Variants in CRHR1 observed in about 807,000 individuals in gnomAD.
CRHR1 encodes corticotropin-releasing hormone receptor 1.
Under a neutral mutation model 56.0 loss-of-function variants are expected in CRHR1, and 28 were observed. That is an observed-to-expected ratio of 0.50 (90% CI 0.37 to 0.69). CRHR1 has a LOEUF of 0.69. CRHR1 is among the 30% of genes least tolerant of loss of function. The pLI, the probability that CRHR1 is intolerant of heterozygous loss-of-function variation, is 0.00. For synonymous variants in CRHR1, 195 were observed against 216.5 expected (o/e 0.90, Z 0.87); for missense variants, 376 against 548.0 (o/e 0.69, Z 3.13).
intron 1 of CRHR1, among the ~76,000 whole-genome samples, chr17:45,787,394 G>C (rs1178183672): frequency 6.6e-6 from 1 of 152,202 alleles, no homozygotes; most frequent in Non-Finnish European, 1.5e-5. Context: ...GAGGGGTGCA[G>C]AAGGCAAGGC....
intron 2 of CRHR1, among the ~76,000 whole-genome samples, chr17:45,813,359 G>A (rs1005115359): frequency 1.4e-5 from 2 of 142,374 alleles, no homozygotes; most frequent in Admixed American, 7.0e-5. Flanking sequence ...CCTTTCACTC[G>A]GGGATGGGGG....
intron 1 of CRHR1, among the ~76,000 whole-genome samples, chr17:45,802,031 T>G (rs931786896): frequency 6.6e-6 from 1 of 152,118 alleles, no homozygotes; most frequent in African/African-American, 2.4e-5. Flanking sequence ...TTGTTTTGTT[T>G]TTTGTTGTTT....
intron 2 of CRHR1, among the ~76,000 whole-genome samples, chr17:45,816,260 A>T (rs559918415): frequency 6.6e-6 from 1 of 152,276 alleles, no homozygotes; most frequent in East Asian, 1.9e-4. Flanking sequence ...CTAGTACCAT[A>T]GCATCAGATT....
chr17:45,807,048 C>G lies in CRHR1; in HGVS notation c.72C>G (p.Ser24=), dbSNP rs369514071. Residue 24 remains serine, a synonymous_variant, in exon 2 of 13, where the codon TCC becomes TCG. Coordinates refer to ENST00000314537, the MANE Select transcript of CRHR1 (RefSeq NM_004382.5). ...LLLGLNPVSA[S]LQDQHCESLS... ...TGGGGCTGAACCCCGTCTCTGCCTCCCTCCAGGACCAGCACTGCGAGAGCC... is the reference window on the plus strand; with the variant it reads ...TGGGGCTGAACCCCGTCTCTGCCTCGCTCCAGGACCAGCACTGCGAGAGCC... 3.3e-5 allele frequency: 53 copies of G among 1,613,996 alleles called. No individual in the cohort carries two copies. Among genetic ancestry groups the G allele is most frequent in the Middle Eastern group, 1.6e-4 (1 of 6,082 alleles).
intron 9 of CRHR1, 100 bp downstream of exon 9, chr17:45,833,310 A>C: frequency 6.8e-7 from 1 of 1,475,330 alleles, no homozygotes; most frequent in South Asian, 1.1e-5. Context: ...GGTGGGGGCC[A>C]CCCAAAGAGG....
chr17:45,831,481 A>G (rs1422541513), intron 8 of CRHR1, among the ~76,000 whole-genome samples: 1 of 152,220 alleles, frequency 6.6e-6, no homozygotes, highest in Non-Finnish European at 1.5e-5. Context: ...TTGGTTCCTT[A>G]TGAAATGGAC....
chr17:45,801,738 GC>G (rs775807374), intron 1 of CRHR1, among the ~76,000 whole-genome samples: 16 of 152,198 alleles, frequency 1.1e-4, no homozygotes, highest in Non-Finnish European at 1.9e-4. Flanking sequence ...AGCGCCAGTG[GC>G]TGGGACTGGT....
rs141686353 is a variant in CRHR1, at chr17:45,812,645, G to A, written c.122-3818G>A. Among the ~76,000 whole-genome samples the A allele has an allele frequency of 3.8e-3, 576 of 152,192 alleles. 2 individuals are homozygous for A. Among genetic ancestry groups the A allele is most frequent in the African/African-American group, 0.013 (538 of 41,508 alleles). On this transcript the variant is annotated intron_variant, in intron 2 of 12. Transcript: ENST00000314537. Reference sequence around the variant, plus strand: ...CTGCCTTCTCCCCTTCCCAGCTAGGGGATGGACACCCTCTCTGTCCCCAGC... The same window carrying A: ...CTGCCTTCTCCCCTTCCCAGCTAGGAGATGGACACCCTCTCTGTCCCCAGC...
intron 4 of CRHR1, chr17:45,826,281 C>T (rs1241310539): frequency 2.0e-5 from 3 of 152,202 alleles, no homozygotes; most frequent in Non-Finnish European, 2.9e-5. Flanking sequence ...CTCTTAAGGC[C>T]TTGCTGTCTC....
rs776022732 is a variant in CRHR1 at position 45,784,531 on chromosome 17, G to C, written c.-14G>C. Reference sequence around the variant, plus strand: ...GACCCGGGCATTCAGGACGGTAGCCGAGCGAGCCCGAGGATGGGAGGGCAC... The same window carrying C: ...GACCCGGGCATTCAGGACGGTAGCCCAGCGAGCCCGAGGATGGGAGGGCAC... On this transcript the variant is annotated 5_prime_UTR_variant, in exon 1 of 13. Coordinates refer to ENST00000314537, the MANE Select transcript of CRHR1 (RefSeq NM_004382.5). This position sits in a 1 kb window ranked among gnomAD's most constrained non-coding sequence, Gnocchi z 4.2. 32 of 1,547,930 alleles carry C rather than the reference G, an allele frequency of 2.1e-5. No individual in the cohort carries two copies. The highest frequency in any genetic ancestry group is 2.6e-5 in the Non-Finnish European group (30 of 1,146,944).
intron 1 of CRHR1, among the ~76,000 whole-genome samples, chr17:45,802,989 C>A (rs1279411640): frequency 1.3e-5 from 2 of 152,130 alleles, no homozygotes; most frequent in Admixed American, 1.3e-4. Context: ...GCCTCACGGG[C>A]ACAGGGTCCA....
At position 45,798,529 on chromosome 17, in the gene CRHR1, A is replaced by G. The variant is rs559232941; in HGVS notation, c.34-8481A>G. Among the ~76,000 whole-genome samples, 679 of 104,280 alleles carry G rather than the reference A, an allele frequency of 6.5e-3. 6 individuals carry two copies. The highest frequency in any genetic ancestry group is 9.7e-3 in the Admixed American group (115 of 11,880). The allele number at this position is 104,280 out of a possible 152,430, so 68.4% of individuals were successfully genotyped here. On this transcript the variant is annotated intron_variant, in intron 1 of 12. Coordinates refer to ENST00000314537, the MANE Select transcript of CRHR1 (RefSeq NM_004382.5). ...CGACAAGGCGAGACTCCGTCTCGGG[A>G]AAAAAAAAAAAAAAAAGCCAAACAC...
chr17:45,817,073 A>G (rs1202139839), intron 3 of CRHR1, among the ~76,000 whole-genome samples: 2 of 152,166 alleles, frequency 1.3e-5, no homozygotes, highest in Non-Finnish European at 1.5e-5. Context: ...TTTCAGATGC[A>G]CAGGCACAGG....
intron 1 of CRHR1, among the ~76,000 whole-genome samples, chr17:45,797,403 G>T (rs994734459): frequency 1.4e-5 from 2 of 143,370 alleles, no homozygotes; most frequent in Non-Finnish European, 3.0e-5. Context: ...CCATTCTCCT[G>T]CCTCAGCCTC....
chr17:45,827,872 C>G (rs1224937639), intron 4 of CRHR1: 1 of 152,294 alleles, frequency 6.6e-6, no homozygotes, highest in Non-Finnish European at 1.5e-5. Context: ...AACAGGAAGG[C>G]CTATGGAGTA....
At chr17:45,785,431 T>C (rs947050269) in intron 1 of CRHR1, among the ~76,000 whole-genome samples, 2 of 152,214 alleles carry the variant, frequency 1.3e-5, no homozygotes, top group African/African-American at 4.8e-5. Flanking sequence ...GCGTTTTGGT[T>C]TTGCAGGGTA....
chr17:45,813,826 A>AACCAT (rs2061872845), intron 2 of CRHR1, among the ~76,000 whole-genome samples: 1 of 152,246 alleles, frequency 6.6e-6, no homozygotes, highest in Non-Finnish European at 1.5e-5. Flanking sequence ...GGTGGCTGGG[A>AACCAT]ACCATACCAC....
intron 9 of CRHR1, 109 bp downstream of exon 9, chr17:45,833,319 G>C (rs1297757317): frequency 4.8e-6 from 7 of 1,452,844 alleles, no homozygotes; most frequent in Non-Finnish European, 6.8e-6. Flanking sequence ...CACCCAAAGA[G>C]GGGGCATGGG....
At chr17:45,805,111 A>G (rs956926328) in intron 1 of CRHR1, among the ~76,000 whole-genome samples, 6 of 152,052 alleles carry the variant, frequency 3.9e-5, no homozygotes, top group Non-Finnish European at 7.4e-5. Context: ...GCCATGATAG[A>G]TAATATTTTA....
Sources: gnomAD v4.1 joint callset for allele counts (sites outside exome capture counted in the v4.1 genomes callset) on GRCh38, gnomAD v4.1.1 for gene constraint, Gnocchi (gnomAD v3.1) non-coding constraint, MANE v1.5 for transcripts, NCBI Gene and HGNC (gene_info 2026-07-23, HGNC 2026-07-21) for gene names.